JARID2: variants seen among roughly 807,000 people sequenced by gnomAD.
The protein encoded by JARID2 is protein Jumonji.
In JARID2, 21 loss-of-function variants were observed where a neutral mutation model predicts 125.6. The observed-to-expected ratio is 0.17, with a 90% CI of 0.12 to 0.24. The LOEUF (loss-of-function observed/expected upper bound fraction) is 0.24, where lower values mean the gene tolerates loss of function less well. Among genes scored for constraint, JARID2 ranks in the 10% least tolerant of loss-of-function variants. JARID2 has a pLI of 1.00. For synonymous variants in JARID2, 736 were observed against 661.6 expected (o/e 1.11, Z -1.73); for missense variants, 1,303 against 1,639.6 (o/e 0.79, Z 3.55).
At chr6:15,488,571 A>C (rs761269732) in intron 6 of JARID2, among the ~76,000 whole-genome samples, 3 of 152,222 alleles carry the variant, frequency 2.0e-5, no homozygotes, top group African/African-American at 7.2e-5. Flanking sequence ...AGAGTGACTT[A>C]CATGGTTATT....
At chr6:15,483,389 T>G (rs1401468154) in intron 5 of JARID2, among the ~76,000 whole-genome samples, 1 of 16,856 alleles carries the variant, frequency 5.9e-5, no homozygotes, top group Non-Finnish European at 9.9e-5. Context: ...AAACTGGCTG[T>G]TTTTTTTTTT....
chr6:15,478,179 C>T (rs1769441138), intron 5 of JARID2, among the ~76,000 whole-genome samples: 1 of 152,204 alleles, frequency 6.6e-6, no homozygotes, highest in Non-Finnish European at 1.5e-5. Context: ...CTGTGACAGG[C>T]AGCTAGAAGA....
intron 4 of JARID2, among the ~76,000 whole-genome samples, chr6:15,466,815 T>G (rs1768762895): frequency 2.0e-5 from 3 of 152,240 alleles, no homozygotes; most frequent in African/African-American, 7.2e-5. Context: ...TTTCTCTTTC[T>G]CTTTTAACTC....
chr6:15,292,690 C>T (rs979241632), intron 1 of JARID2, among the ~76,000 whole-genome samples: 1 of 152,058 alleles, frequency 6.6e-6, no homozygotes, highest in East Asian at 1.9e-4. Flanking sequence ...TGTTTTGAGA[C>T]GAGTCTCACT....
chr6:15,279,262 G>T (rs1461178683), intron 1 of JARID2, among the ~76,000 whole-genome samples: 1 of 152,150 alleles, frequency 6.6e-6, no homozygotes, highest in Admixed American at 6.6e-5. Context: ...ATTGGTCGAA[G>T]GTTGTGTGTA....
At chr6:15,512,681 C>T (rs1321857747) in intron 14 of JARID2, among the ~76,000 whole-genome samples, 1 of 152,102 alleles carries the variant, frequency 6.6e-6, no homozygotes, top group Non-Finnish European at 1.5e-5. Context: ...GACAGAGAAC[C>T]TCCACCCATC....
At chr6:15,459,046 C>T (rs1160696563) in intron 4 of JARID2, among the ~76,000 whole-genome samples, 1 of 152,290 alleles carries the variant, frequency 6.6e-6, no homozygotes, top group Non-Finnish European at 1.5e-5. Context: ...GGGGCATTGG[C>T]AGAAGGCTGG....
chr6:15,281,500 C>T (rs1180279081), intron 1 of JARID2, among the ~76,000 whole-genome samples: 1 of 152,234 alleles, frequency 6.6e-6, no homozygotes, highest in Non-Finnish European at 1.5e-5. Flanking sequence ...CAGTGGTTTG[C>T]ACATCCTTCT....
intron 17 of JARID2, 142 bp from the exon 18 acceptor site, chr6:15,519,927 C>T (rs929517932): frequency 2.7e-5 from 15 of 545,614 alleles, no homozygotes; most frequent in Non-Finnish European, 4.1e-5. Flanking sequence ...CTGAGCCTCT[C>T]GGGGTTATTT....
intron 1 of JARID2, among the ~76,000 whole-genome samples, chr6:15,264,796 G>A (rs996245738): frequency 3.9e-5 from 6 of 152,168 alleles, no homozygotes; most frequent in Non-Finnish European, 5.9e-5. Context: ...AAAGGCTAAC[G>A]CCACATCCCT....
chr6:15,519,504 C>G (rs1379928522), intron 17 of JARID2, among the ~76,000 whole-genome samples: 3 of 152,132 alleles, frequency 2.0e-5, no homozygotes, highest in Non-Finnish European at 4.4e-5. Context: ...TCATAAGATG[C>G]ACGTTTGCTA....
At chr6:15,377,013 A>G (rs1443934250) in intron 2 of JARID2, among the ~76,000 whole-genome samples, 1 of 152,178 alleles carries the variant, frequency 6.6e-6, no homozygotes, top group Non-Finnish European at 1.5e-5. Flanking sequence ...ATGTATATGC[A>G]TGCTTTGCTG....
intron 17 of JARID2, among the ~76,000 whole-genome samples, chr6:15,518,947 T>G (rs1354395986): frequency 6.6e-6 from 1 of 152,130 alleles, no homozygotes; most frequent in Non-Finnish European, 1.5e-5. Flanking sequence ...GCACCTAGAT[T>G]GCAAATCCCT....
Position 15,346,789 on chromosome 6 carries a change from G to A in JARID2, c.46-27328G>A, listed in dbSNP as rs7341231. Among the ~76,000 whole-genome samples, 1,423 of 150,644 alleles carry A rather than the reference G, an allele frequency of 9.4e-3. 30 individuals carry two copies. Among genetic ancestry groups the A allele is most frequent in the African/African-American group, 0.032 (1,305 of 40,872 alleles). On this transcript the variant is annotated intron_variant, in intron 1 of 17. Coordinates refer to ENST00000341776, the MANE Select transcript of JARID2 (RefSeq NM_004973.4). ...CTTGCTTTGTCACCCAGTCTGGAGC[G>A]CAGTGGTGTGATCTCGGTTCACTGC... is the stretch of plus-strand genomic sequence containing the variant.
chr6:15,496,417 A>C lies in JARID2; in HGVS notation c.1192A>C (p.Lys398Gln). The C allele has an allele frequency of 6.2e-7, 1 of 1,613,786 alleles. No homozygotes were observed. Among genetic ancestry groups the C allele is most frequent in the Non-Finnish European group, 8.5e-7 (1 of 1,179,914 alleles). ...KQVLSLGGAS[K>Q]STGPAVNGLK... is the part of the protein sequence containing the mutation. Reference sequence around the variant, plus strand: ...GGTGCTATCCCTCGGGGGGGCGTCCAAGTCCACTGGGCCCGCCGTCAATGG... The same window carrying C: ...GGTGCTATCCCTCGGGGGGGCGTCCCAGTCCACTGGGCCCGCCGTCAATGG... Residue 398 changes from lysine to glutamine, a missense_variant, in exon 7 of 18, where the codon AAG (lysine) becomes CAG (glutamine). Transcript: ENST00000341776.
intron 4 of JARID2, among the ~76,000 whole-genome samples, chr6:15,460,595 A>T (rs1264960558): frequency 6.6e-6 from 1 of 152,236 alleles, no homozygotes; most frequent in Non-Finnish European, 1.5e-5. Context: ...GAAGTTGAGT[A>T]TTCAGCTTCT....
chr6:15,388,286 G>A (rs1460199039), intron 2 of JARID2, among the ~76,000 whole-genome samples: 1 of 151,988 alleles, frequency 6.6e-6, no homozygotes, highest in African/African-American at 2.4e-5. Context: ...CACTTTAAAT[G>A]TTTAGAGTCC....
At chr6:15,516,613 G>A (rs772226002) in intron 16 of JARID2, among the ~76,000 whole-genome samples, 1 of 152,238 alleles carries the variant, frequency 6.6e-6, no homozygotes, top group African/African-American at 2.4e-5. Context: ...GCATGGGGTC[G>A]TTGGACGCCG....
intron 1 of JARID2, among the ~76,000 whole-genome samples, chr6:15,290,497 AGTT>A (rs1209879363): frequency 1.3e-5 from 2 of 152,190 alleles, no homozygotes; most frequent in East Asian, 3.9e-4. Context: ...CAAGTGTTCC[AGTT>A]GTTCCACATC....
Sources: allele counts gnomAD v4.1 joint callset (sites outside exome capture counted in the v4.1 genomes callset), GRCh38; gene constraint gnomAD v4.1.1; transcripts MANE v1.5; gene names NCBI Gene and HGNC (gene_info 2026-07-23, HGNC 2026-07-21).